The following RBPJ variants were observed in gnomAD, a reference collection of about 807,000 sequenced individuals.
RBPJ encodes recombining binding protein suppressor of hairless.
In RBPJ, 9 loss-of-function variants were observed where a neutral mutation model predicts 67.8. The ratio of observed to expected loss-of-function variants is 0.13; its 90% CI spans 0.08 to 0.23. The LOEUF (loss-of-function observed/expected upper bound fraction) is 0.23. Among genes scored for constraint, RBPJ ranks in the 10% least tolerant of loss-of-function variants. The pLI, the probability that RBPJ is intolerant of heterozygous loss-of-function variation, is 1.00. For synonymous variants in RBPJ, 198 were observed against 203.3 expected, an observed-to-expected ratio of 0.97 and a Z score of 0.22; for missense variants, 305 against 595.6, an observed-to-expected ratio of 0.51 and a Z score of 5.08.
chr4:26,168,342 G>A lies in RBPJ; in HGVS notation c.-167+4728G>A, dbSNP rs1716403988. On this transcript the variant is annotated intron_variant, in intron 1 of 4. Coordinates refer to the RBPJ transcript ENST00000512351. ...CTCCTTCACTTATGAAGCTTAGTTT[G>A]GCTGGATATGAAATTCTGGGTTGTA... is the stretch of plus-strand genomic sequence containing the variant. Among the ~76,000 whole-genome samples the A allele has an allele frequency of 2.0e-5, 3 of 152,098 alleles. No individual in the cohort carries two copies. In the South Asian group the frequency reaches 6.3e-4, roughly 32 times the overall value.
intron 1 of RBPJ, among the ~76,000 whole-genome samples, chr4:26,221,432 C>G (rs1227270842): frequency 6.6e-6 from 1 of 152,080 alleles, no homozygotes; most frequent in Non-Finnish European, 1.5e-5. Flanking sequence ...TTGCTGGGTC[C>G]ATTTCTAGAC....
intron 1 of RBPJ, among the ~76,000 whole-genome samples, chr4:26,296,249 C>G (rs1228893541): frequency 2.0e-5 from 3 of 152,158 alleles, no homozygotes; most frequent in African/African-American, 7.2e-5. Context: ...TACAGGAACA[C>G]AAGGCTGTTA....
chr4:26,213,565 A>T (rs1325483089), intron 1 of RBPJ, among the ~76,000 whole-genome samples: 1 of 152,194 alleles, frequency 6.6e-6, no homozygotes, highest in Non-Finnish European at 1.5e-5. Flanking sequence ...CACAGGAGTC[A>T]TGGGAGAGAG....
chr4:26,359,420 T>TTA (rs1727775252), intron 1 of RBPJ, among the ~76,000 whole-genome samples: 1 of 150,352 alleles, frequency 6.7e-6, no homozygotes. Context: ...TTCATTTTTT[T>TTA]TTTTTTTTTT....
At chr4:26,163,060 T>C (rs773912754), upstream of RBPJ, among the ~76,000 whole-genome samples, 3 of 152,060 alleles carry the variant, frequency 2.0e-5, no homozygotes, top group Non-Finnish European at 2.9e-5. Context: ...AGCTAGGAGA[T>C]TGGGAATCTG....
At chr4:26,286,472 CAAAA>C (rs57556548) in intron 1 of RBPJ, among the ~76,000 whole-genome samples, 9 of 99,488 alleles carry the variant, frequency 9.0e-5, no homozygotes, top group African/African-American at 2.4e-4. Context: ...GACCCTGCCT[CAAAA>C]AAAAAAAAAA....
At chr4:26,343,736 C>CTTT (rs1172127871) in intron 1 of RBPJ, among the ~76,000 whole-genome samples, 1 of 74,500 alleles carries the variant, frequency 1.3e-5, no homozygotes, top group African/African-American at 5.7e-5. Flanking sequence ...TTCTTTCTTT[C>CTTT]TTCTTTTTTT....
At chr4:26,339,696 C>G (rs1036089794) in intron 1 of RBPJ, among the ~76,000 whole-genome samples, 2 of 151,682 alleles carry the variant, frequency 1.3e-5, no homozygotes, top group African/African-American at 4.8e-5. Flanking sequence ...CACTCCAAAT[C>G]AGTGAGAAAA....
intron 5 of RBPJ, 90 bp downstream of exon 5, chr4:26,420,815 C>T: frequency 1.0e-6 from 1 of 1,002,804 alleles, no homozygotes; most frequent in Non-Finnish European, 1.4e-6. Context: ...TTTTCAATAG[C>T]CAATTAATTC....
At chr4:26,347,126 G>A (rs557231626) in intron 1 of RBPJ, among the ~76,000 whole-genome samples, 94 of 152,354 alleles carry the variant, frequency 6.2e-4, no homozygotes, top group African/African-American at 2.2e-3. Context: ...CACAGTAGAA[G>A]AGTTGAGTTA....
intron 3 of RBPJ, among the ~76,000 whole-genome samples, chr4:26,409,183 T>A (rs1327629711): frequency 6.6e-6 from 1 of 152,246 alleles, no homozygotes; most frequent in East Asian, 1.9e-4. Flanking sequence ...CCGGGATGTA[T>A]AACTGAGGCC....
intron 1 of RBPJ, among the ~76,000 whole-genome samples, chr4:26,246,919 G>C (rs1719947602): frequency 6.6e-6 from 1 of 151,272 alleles, no homozygotes; most frequent in Non-Finnish European, 1.5e-5. Flanking sequence ...ATTCATAGAA[G>C]AGTAGTTTCT....
intron 1 of RBPJ, among the ~76,000 whole-genome samples, chr4:26,295,185 A>G (rs1477719062): frequency 1.3e-5 from 2 of 152,040 alleles, no homozygotes; most frequent in Non-Finnish European, 2.9e-5. Flanking sequence ...TCCAATGAGA[A>G]TGACTTTGTG....
At chr4:26,178,144 A>G (rs1577439352) in intron 1 of RBPJ, among the ~76,000 whole-genome samples, 1 of 152,210 alleles carries the variant, frequency 6.6e-6, no homozygotes, top group Non-Finnish European at 1.5e-5. Context: ...TGGTCTCCCC[A>G]TGTCTAGAAA....
intron 1 of RBPJ, among the ~76,000 whole-genome samples, chr4:26,383,224 G>A (rs559401563): frequency 6.6e-6 from 1 of 152,038 alleles, no homozygotes; most frequent in South Asian, 2.1e-4. Flanking sequence ...GATCTAATGG[G>A]CATTTCCAAA....
chr4:26,296,514 T>G (rs922826824), intron 1 of RBPJ, among the ~76,000 whole-genome samples: 3 of 152,214 alleles, frequency 2.0e-5, no homozygotes, highest in Non-Finnish European at 4.4e-5. Context: ...TTTAATGATT[T>G]ATTCGCCGCT....
intron 1 of RBPJ, among the ~76,000 whole-genome samples, chr4:26,175,389 T>C (rs2109122616): frequency 6.6e-6 from 1 of 151,622 alleles, no homozygotes; most frequent in Admixed American, 6.6e-5. Flanking sequence ...GGGGGGGGAT[T>C]TGAGTCTGGG....
chr4:26,426,356 T>C (rs1353747794), intron 7 of RBPJ, among the ~76,000 whole-genome samples: 1 of 152,222 alleles, frequency 6.6e-6, no homozygotes, highest in Non-Finnish European at 1.5e-5. Flanking sequence ...CAGTTGTTTG[T>C]AAAGTACCAG....
At chr4:26,126,152 G>C in the RBPJ span, among the ~76,000 whole-genome samples, 3 of 152,192 alleles carry the variant, frequency 2.0e-5, no homozygotes, top group Non-Finnish European at 4.4e-5. Flanking sequence ...AAAAGATCAA[G>C]CACTTTAAAA....
Sources: gnomAD v4.1 joint callset for allele counts (sites outside exome capture counted in the v4.1 genomes callset) on GRCh38, gnomAD v4.1.1 for gene constraint, MANE v1.5 for transcripts, NCBI Gene and HGNC (gene_info 2026-07-23, HGNC 2026-07-21) for gene names.